Variants in CNTN6 observed in about 807,000 individuals in gnomAD.
The protein encoded by CNTN6 is contactin 6.
CNTN6 carries 137 observed loss-of-function variants against 122.8 expected under a neutral mutation model. That is an observed-to-expected ratio of 1.12 (90% CI 0.97 to 1.29). The LOEUF is 1.29. CNTN6 is among the 50% of genes most tolerant of loss of function. The pLI, the probability that CNTN6 is intolerant of heterozygous loss-of-function variation, is 0.00. For synonymous variants in CNTN6, 570 were observed against 426.0 expected (o/e 1.34, Z -4.16); for missense variants, 1,634 against 1,223.4 (o/e 1.34, Z -5.01).
At chr3:1,238,998 G>T (rs907206184) in intron 4 of CNTN6, among the ~76,000 whole-genome samples, 2 of 152,038 alleles carry the variant, frequency 1.3e-5, no homozygotes, top group African/African-American at 4.8e-5. Flanking sequence ...ATTATTGAAG[G>T]CTACTATGAA....
intron 1 of CNTN6, among the ~76,000 whole-genome samples, chr3:1,115,009 A>G (rs2091652786): frequency 6.6e-6 from 1 of 152,108 alleles, no homozygotes; most frequent in African/African-American, 2.4e-5. Flanking sequence ...TTTTCTCTCA[A>G]CCTACGGGAG....
At chr3:1,336,573 A>G (rs567844854) in intron 11 of CNTN6, among the ~76,000 whole-genome samples, 2 of 152,274 alleles carry the variant, frequency 1.3e-5, no homozygotes, top group African/African-American at 4.8e-5. Context: ...TACTCCAAGT[A>G]TATATATTTG....
intron 1 of CNTN6, among the ~76,000 whole-genome samples, chr3:1,143,693 T>A (rs1322567915): frequency 1.3e-5 from 2 of 152,214 alleles, no homozygotes; most frequent in African/African-American, 4.8e-5. Context: ...CTTTTACAAA[T>A]GGCAACCCAT....
At chr3:1,229,065 T>C (rs1190615058) in intron 4 of CNTN6, among the ~76,000 whole-genome samples, 2 of 152,148 alleles carry the variant, frequency 1.3e-5, no homozygotes, top group East Asian at 3.9e-4. Flanking sequence ...TATACAGATA[T>C]ACACACATAA....
chr3:1,398,226 C>T (rs1695227640), intron 20 of CNTN6, among the ~76,000 whole-genome samples: 1 of 152,108 alleles, frequency 6.6e-6, no homozygotes, highest in African/African-American at 2.4e-5. Flanking sequence ...GTTTAATCAA[C>T]TATATCAAAC....
At chr3:1,335,726 T>C (rs6780976) in intron 11 of CNTN6, among the ~76,000 whole-genome samples, 4,092 of 152,204 alleles carry the variant, frequency 0.027, 209 homozygotes, top group African/African-American at 0.093. Flanking sequence ...ATTGGAAGAA[T>C]ACCATTATAC....
At chr3:1,396,576 T>C (rs1313652026) in intron 20 of CNTN6, among the ~76,000 whole-genome samples, 4 of 152,186 alleles carry the variant, frequency 2.6e-5, no homozygotes, top group East Asian at 1.9e-4. Flanking sequence ...CCAAAGGATA[T>C]AATGTACACC....
At chr3:1,370,018 C>G (rs972248413) in intron 12 of CNTN6, among the ~76,000 whole-genome samples, 1 of 152,034 alleles carries the variant, frequency 6.6e-6, no homozygotes, top group African/African-American at 2.4e-5. Flanking sequence ...GATTCCCTCT[C>G]TTTCTCTTAC....
chr3:1,238,023 CAAA>C (rs200264002), intron 4 of CNTN6, among the ~76,000 whole-genome samples: 5 of 149,012 alleles, frequency 3.4e-5, no homozygotes, highest in African/African-American at 1.2e-4. Context: ...GAAAACAAAA[CAAA>C]AAAAAACCAC....
At chr3:1,169,209 G>T (rs2093316309) in intron 2 of CNTN6, among the ~76,000 whole-genome samples, 2 of 152,176 alleles carry the variant, frequency 1.3e-5, no homozygotes, top group Admixed American at 6.6e-5. Context: ...CAGAGGATTT[G>T]TTCTTCTATT....
At chr3:1,229,756 A>G (rs2094330637) in intron 4 of CNTN6, among the ~76,000 whole-genome samples, 1 of 152,198 alleles carries the variant, frequency 6.6e-6, no homozygotes, top group Admixed American at 6.6e-5. Context: ...AATGGGACAA[A>G]TCAATTTTTC....
chr3:1,163,634 T>C (rs906406855), intron 2 of CNTN6, among the ~76,000 whole-genome samples: 1 of 152,148 alleles, frequency 6.6e-6, no homozygotes, highest in African/African-American at 2.4e-5. Flanking sequence ...CCCAGGATGA[T>C]CTGGAACTAC....
intron 8 of CNTN6, 28 bp from the exon 9 acceptor site, chr3:1,325,787 A>G (rs1335390669): frequency 1.2e-6 from 2 of 1,605,872 alleles, no homozygotes; most frequent in African/African-American, 2.7e-5. Context: ...CCTTTTACCA[A>G]ACAGTGGCAC....
chr3:1,094,220 T>A (rs1251510212), intron 1 of CNTN6, among the ~76,000 whole-genome samples: 1 of 152,220 alleles, frequency 6.6e-6, no homozygotes, highest in African/African-American at 2.4e-5. Context: ...CACCAATTTA[T>A]GTGCATTGTA....
rs113746225 is a variant in CNTN6 at position 1,147,961 on chromosome 3, T to A, written c.-48T>A. ...ATACTGACTGGAAGATAGACTGTTTTGTTCCACCTGATTGTATGGGAGAAA... is the reference window on the plus strand; with the variant it reads ...ATACTGACTGGAAGATAGACTGTTTAGTTCCACCTGATTGTATGGGAGAAA... On this transcript the variant is annotated 5_prime_UTR_variant, in exon 2 of 23. Coordinates refer to ENST00000446702, the MANE Select transcript of CNTN6 (RefSeq NM_001289080.2). The A allele has an allele frequency of 1.6e-5, 22 of 1,413,694 alleles. 1 individual carries two copies. In the African/African-American group the frequency reaches 2.0e-4, roughly 13 times the overall value. The allele number at this position is 1,413,694 out of a possible 1,614,324, so 87.6% of individuals were successfully genotyped here.
chr3:1,390,561 A>G (rs1693966964), intron 20 of CNTN6, among the ~76,000 whole-genome samples: 1 of 152,228 alleles, frequency 6.6e-6, no homozygotes, highest in South Asian at 2.1e-4. Context: ...AACTAAAATC[A>G]GAGCACAACT....
intron 15 of CNTN6, 42 bp from the exon 16 acceptor site, chr3:1,373,882 A>C (rs971734721): frequency 1.3e-6 from 2 of 1,545,206 alleles, no homozygotes; most frequent in Non-Finnish European, 8.7e-7. Flanking sequence ...TTTGTTTTTG[A>C]GTAGTCCCAA....
At chr3:1,192,788 A>G (rs747364697) in intron 2 of CNTN6, among the ~76,000 whole-genome samples, 2 of 152,116 alleles carry the variant, frequency 1.3e-5, no homozygotes, top group African/African-American at 4.8e-5. Flanking sequence ...GAATATGAAA[A>G]TAAGATATTT....
At chr3:1,210,163 C>T (rs577619883) in intron 2 of CNTN6, among the ~76,000 whole-genome samples, 4 of 152,244 alleles carry the variant, frequency 2.6e-5, no homozygotes, top group Non-Finnish European at 5.9e-5. Context: ...CAGTTCAGAG[C>T]TTGATCTTTT....
Sources: allele counts gnomAD v4.1 joint callset (sites outside exome capture counted in the v4.1 genomes callset), GRCh38; gene constraint gnomAD v4.1.1; transcripts MANE v1.5; gene names NCBI Gene and HGNC (gene_info 2026-07-23, HGNC 2026-07-21).